Variants in AGK observed in about 807,000 individuals in gnomAD.
AGK encodes acylglycerol kinase, mitochondrial.
AGK carries 52 observed loss-of-function variants against 66.4 expected under a neutral mutation model. The ratio of observed to expected loss-of-function variants is 0.78; its 90% CI spans 0.63 to 0.99. The LOEUF (loss-of-function observed/expected upper bound fraction) is 0.99, where lower values mean the gene tolerates loss of function less well. AGK is among the 50% of genes least tolerant of loss of function. The pLI, the probability that AGK is intolerant of heterozygous loss-of-function variation, is 0.00. For missense variants in AGK, 451 were observed against 506.6 expected, an observed-to-expected ratio of 0.89 and a Z score of 1.05; for synonymous variants, 182 against 181.1, an observed-to-expected ratio of 1.00 and a Z score of -0.04.
chr7:141,578,635 G>A (rs540557479), intron 2 of AGK, among the ~76,000 whole-genome samples: 1 of 152,024 alleles, frequency 6.6e-6, no homozygotes, highest in African/African-American at 2.4e-5. Flanking sequence ...TAGAGTGGGA[G>A]AGGTCAAGTT....
chr7:141,559,330 T>C (rs770126852), intron 2 of AGK, among the ~76,000 whole-genome samples: 2 of 152,184 alleles, frequency 1.3e-5, no homozygotes, highest in African/African-American at 2.4e-5. Flanking sequence ...TTATTTTCCA[T>C]ATGGATATCT....
chr7:141,584,474 GTTA>G (rs1795953244), intron 2 of AGK, among the ~76,000 whole-genome samples: 1 of 152,194 alleles, frequency 6.6e-6, no homozygotes, highest in Non-Finnish European at 1.5e-5. Flanking sequence ...ATTGATTGCT[GTTA>G]TTATGTCTCC....
rs748445294 is a variant in AGK, at chr7:141,649,308, A to G, written c.1021A>G (p.Ser341Gly). Reference sequence around the variant, plus strand: ...TATCTGCATTGAACCTGACACCATCAGCAAAGGAGACTTTATAACTATAGG... The same window carrying G: ...TATCTGCATTGAACCTGACACCATCGGCAAAGGAGACTTTATAACTATAGG... ...LNICIEPDTI[S>G]KGDFITIGSR... is the part of the protein sequence containing the mutation. The change falls in exon 14 of 16, where the codon AGC becomes GGC. Residue 341 changes from serine to glycine, a missense_variant. Ser to Gly is a moderately conservative substitution (Grantham distance 56). Transcript: ENST00000649286. The G allele has an allele frequency of 3.7e-6, 6 of 1,613,698 alleles. No individual in the cohort carries two copies. Among genetic ancestry groups the G allele is most frequent in the East Asian group, 2.2e-5 (1 of 44,876 alleles).
At chr7:141,645,520 C>A (rs1281631295) in intron 13 of AGK, among the ~76,000 whole-genome samples, 1 of 152,144 alleles carries the variant, frequency 6.6e-6, no homozygotes, top group African/African-American at 2.4e-5. Context: ...CTTATCCTTA[C>A]AATCCTTCAT....
intron 14 of AGK, chr7:141,650,497 T>G: frequency 1.0e-6 from 1 of 985,442 alleles, no homozygotes; most frequent in Non-Finnish European, 1.2e-6. Flanking sequence ...TAATGTCTGT[T>G]TCCTCTGGAT....
intron 1 of AGK, among the ~76,000 whole-genome samples, chr7:141,553,295 A>G (rs1387405631): frequency 6.6e-6 from 1 of 152,206 alleles, no homozygotes; most frequent in African/African-American, 2.4e-5. Flanking sequence ...CAATGGGGAT[A>G]GGGCTTCCAC....
At chr7:141,594,564 G>A (rs1412299675) in intron 3 of AGK, among the ~76,000 whole-genome samples, 1 of 152,038 alleles carries the variant, frequency 6.6e-6, no homozygotes, top group Non-Finnish European at 1.5e-5. Flanking sequence ...GAAAGTAAAT[G>A]CCTCCACCTC....
chr7:141,593,350 C>G (rs1168997572), intron 3 of AGK, 165 bp downstream of exon 3: 3 of 721,176 alleles, frequency 4.2e-6, no homozygotes, highest in Non-Finnish European at 2.5e-6. Context: ...GAGTAGAACT[C>G]CAGGAAGTTA....
At chr7:141,584,284 C>T (rs183604203) in intron 2 of AGK, among the ~76,000 whole-genome samples, 2 of 152,072 alleles carry the variant, frequency 1.3e-5, no homozygotes, top group Non-Finnish European at 1.5e-5. Flanking sequence ...CCAAGATGAG[C>T]CAGGAGAAGG....
chr7:141,603,068 A>G (rs933645914), intron 5 of AGK, among the ~76,000 whole-genome samples: 1 of 152,166 alleles, frequency 6.6e-6, no homozygotes, highest in South Asian at 2.1e-4. Flanking sequence ...CTCTGTTTTC[A>G]TAAATGTTGT....
At chr7:141,580,876 A>T (rs1003931787) in intron 2 of AGK, among the ~76,000 whole-genome samples, 10 of 152,050 alleles carry the variant, frequency 6.6e-5, no homozygotes, top group Admixed American at 6.5e-4. Flanking sequence ...GTGTGGGAGC[A>T]GCTTCTAAAG....
At chr7:141,646,759 C>A (rs1797421880) in intron 13 of AGK, among the ~76,000 whole-genome samples, 1 of 152,174 alleles carries the variant, frequency 6.6e-6, no homozygotes, top group African/African-American at 2.4e-5. Flanking sequence ...TACTGGAACA[C>A]AGGCAGGCTA....
chr7:141,601,352 T>C, intron 5 of AGK, 72 bp downstream of exon 5: 1 of 1,187,476 alleles, frequency 8.4e-7, no homozygotes, highest in Non-Finnish European at 1.2e-6. Context: ...TCTTGGCTTC[T>C]TAGCAAAAAT....
At chr7:141,638,536 A>G (rs890362841) in intron 11 of AGK, among the ~76,000 whole-genome samples, 3 of 152,128 alleles carry the variant, frequency 2.0e-5, no homozygotes, top group Non-Finnish European at 2.9e-5. Flanking sequence ...ACAGAAAAAC[A>G]GATAGGATGT....
chr7:141,612,790 T>C (rs1796619585), intron 6 of AGK, among the ~76,000 whole-genome samples: 1 of 152,248 alleles, frequency 6.6e-6, no homozygotes, highest in African/African-American at 2.4e-5. Flanking sequence ...GTACTCTTCT[T>C]TTCTAGCAGC....
intron 8 of AGK, among the ~76,000 whole-genome samples, chr7:141,620,142 A>G (rs1458675476): frequency 6.6e-6 from 1 of 152,228 alleles, no homozygotes; most frequent in African/African-American, 2.4e-5. Flanking sequence ...CTCTAGACGC[A>G]GAAAACATAG....
intron 9 of AGK, among the ~76,000 whole-genome samples, chr7:141,625,191 T>A (rs1392092277): frequency 6.6e-6 from 1 of 152,212 alleles, no homozygotes; most frequent in Non-Finnish European, 1.5e-5. Context: ...AACTTTTATA[T>A]GCACTGGAAA....
chr7:141,600,378 T>C (rs554261498), intron 4 of AGK, among the ~76,000 whole-genome samples: 1 of 152,294 alleles, frequency 6.6e-6, no homozygotes, highest in African/African-American at 2.4e-5. Context: ...CTGACCTGAA[T>C]TGGACAAGAG....
Position 141,621,759 on chromosome 7 carries a change from T to C in AGK, c.546T>C (p.Ile182=). The change falls in exon 9 of 16, where the codon ATT becomes ATC. Residue 182 remains isoleucine, a synonymous_variant. Coordinates refer to ENST00000649286, the MANE Select transcript of AGK (RefSeq NM_018238.4). ...ATATTACTGATGCCACACTTGCCATTGTGAAAGGAGAGACAGTTCCACTTG... is the reference window on the plus strand; with the variant it reads ...ATATTACTGATGCCACACTTGCCATCGTGAAAGGAGAGACAGTTCCACTTG... ...VQHITDATLA[I]VKGETVPLDV... is the part of the protein sequence containing the mutation. 1 of 1,613,698 alleles carries C rather than the reference T, an allele frequency of 6.2e-7. No individual in the cohort carries two copies. The highest frequency in any genetic ancestry group is 8.5e-7 in the Non-Finnish European group (1 of 1,179,754).
Sources: gnomAD v4.1 joint callset for allele counts (sites outside exome capture counted in the v4.1 genomes callset) on GRCh38, gnomAD v4.1.1 for gene constraint, MANE v1.5 for transcripts, NCBI Gene and HGNC (gene_info 2026-07-23, HGNC 2026-07-21) for gene names.